The following ANKLE2 variants were observed in gnomAD, a reference collection of about 807,000 sequenced individuals.
ANKLE2 encodes ankyrin repeat and LEM domain-containing protein 2.
ANKLE2 carries 55 observed loss-of-function variants against 84.2 expected under a neutral mutation model. The observed-to-expected ratio is 0.65, with a 90% CI of 0.53 to 0.82. The LOEUF is 0.82. Ranked by LOEUF, ANKLE2 falls within the 40% of genes least tolerant of loss-of-function variation. The pLI is 0.00. For missense variants in ANKLE2, 1,238 were observed against 1,201.9 expected (o/e 1.03, Z -0.44); for synonymous variants, 551 against 486.1 (o/e 1.13, Z -1.76).
chr12:132,756,246 T>C (rs1372019901), intron 1 of ANKLE2: 1 of 151,730 alleles, frequency 6.6e-6, no homozygotes, highest in African/African-American at 2.4e-5. Context: ...GGTACATGCC[T>C]GTAACCCCAG....
intron 7 of ANKLE2, chr12:132,737,383 T>C: frequency 3.8e-6 from 1 of 260,070 alleles, no homozygotes; most frequent in African/African-American, 2.2e-5. Context: ...TGAATAAGAG[T>C]AGCACACAGT....
At chr12:132,736,771 A>G in intron 8 of ANKLE2, 122 bp downstream of exon 8, 2 of 1,188,474 alleles carry the variant, frequency 1.7e-6, no homozygotes. Flanking sequence ...AGATGAGGAC[A>G]ACCTTGGGGC....
intron 5 of ANKLE2, chr12:132,745,608 G>A (rs556912176): frequency 8.3e-5 from 13 of 155,928 alleles, no homozygotes; most frequent in South Asian, 3.6e-4. Flanking sequence ...GCTCGGAGAC[G>A]TAAGGAAATT....
At chr12:132,746,318 C>T (rs2044237191) in intron 5 of ANKLE2, among the ~76,000 whole-genome samples, 1 of 143,980 alleles carries the variant, frequency 6.9e-6, no homozygotes, top group Admixed American at 7.6e-5. Context: ...CACTGCACTC[C>T]CACCTGGGAG....
rs759983504 is a variant in ANKLE2 at position 132,736,986 on chromosome 12, C to T, written c.1500G>A (p.Thr500=). 1.2e-5 allele frequency: 20 copies of T among 1,613,722 alleles called. No homozygotes were observed. Among genetic ancestry groups the T allele is most frequent in the Admixed American group, 1.7e-5 (1 of 59,986 alleles). ...VIGELWSPDQ[T]AEASHVSRYG... ...AGCGGCTGACGTGAGAGGCCTCAGC[C>T]GTCTGGTCTGGGGACCACAGCTCCC... The change falls in exon 8 of 13, where the codon ACG becomes ACA. Residue 500 remains threonine (T), a synonymous_variant. Coordinates refer to ENST00000357997, the MANE Select transcript of ANKLE2 (RefSeq NM_015114.3).
chr12:132,728,163 T>C lies in ANKLE2; in HGVS notation c.2484A>G (p.Gly828=), dbSNP rs1321975982. Residue 828 remains glycine (G), a splice_region_variant and synonymous_variant, in exon 12 of 13, where the codon GGA becomes GGG. Transcript: ENST00000357997. The part of the protein sequence containing the change: ...REPARRLFLF[G]EEPSKLDQDV... ...CCTGATCGAGTTTTGATGGCTCCTC[T>C]CTAGAAAGCACAATAAAAGAAGCAA... 4 of 1,610,924 alleles carry C rather than the reference T, an allele frequency of 2.5e-6. No homozygotes were observed. The Admixed American group carries it at 6.8e-5, about 27-fold the overall frequency.
chr12:132,759,756 C>A (rs2044583301), intron 1 of ANKLE2: 1 of 152,152 alleles, frequency 6.6e-6, no homozygotes, highest in African/African-American at 2.4e-5. Context: ...GCTGCACTTA[C>A]CCAACTCCCA....
At chr12:132,759,028 C>T (rs1232812982) in intron 1 of ANKLE2, 6 of 137,660 alleles carry the variant, frequency 4.4e-5, no homozygotes, top group Non-Finnish European at 9.1e-5. Flanking sequence ...CAGAGTGGAT[C>T]GCTGCGGAGT....
At chr12:132,737,109 CGCAGGTCAGGCCTG>C (rs747294804) in intron 7 of ANKLE2, 44 bp from the exon 8 acceptor site, 55 of 1,545,456 alleles carry the variant, frequency 3.6e-5, no homozygotes, top group Non-Finnish European at 8.8e-6. Context: ...CCGCCCCCTC[CGCAGGTCAGGCCTG>C]GGTGAGCAGG....
rs959240484 is a variant in ANKLE2, at chr12:132,752,310, G to A, written c.641-1461C>T. On this transcript the variant is annotated intron_variant, in intron 2 of 12. Transcript: ENST00000357997. ...AGCCAAGATCGCACCACTGCACTCC[G>A]GCCTGGCGACAGACCGGGACTCTGT... Among the ~76,000 whole-genome samples the A allele has an allele frequency of 1.2e-4, 18 of 152,204 alleles. No homozygotes were observed. The East Asian group carries it at 1.5e-3, about 13-fold the overall frequency.
intron 3 of ANKLE2, 146 bp downstream of exon 3, chr12:132,750,497 G>A: frequency 1.3e-6 from 1 of 769,224 alleles, no homozygotes; most frequent in South Asian, 1.9e-5. Context: ...GAGCATCAGA[G>A]CCAGCATGGC....
At chr12:132,753,164 C>A (rs959905464) in intron 2 of ANKLE2, among the ~76,000 whole-genome samples, 2 of 151,992 alleles carry the variant, frequency 1.3e-5, no homozygotes, top group African/African-American at 4.8e-5. Flanking sequence ...TACAAAAAAA[C>A]TGGCGCGTAC....
Position 132,743,137 on chromosome 12 carries a change from T to C in ANKLE2, c.1353+17A>G, listed in dbSNP as rs774149311. ...TTTCTAACTCTAGATAGCAACTGCA[T>C]TGTAATAAGTACTTACATCTTCAGG... On this transcript the variant is annotated intron_variant, in intron 6 of 12. Transcript: ENST00000357997. This position sits in a 1 kb window ranked among gnomAD's most constrained non-coding sequence, Gnocchi z 4.1. The C allele has an allele frequency of 9.3e-5, 147 of 1,582,448 alleles. No homozygotes were observed. The highest frequency in any genetic ancestry group is 1.2e-4 in the Non-Finnish European group (135 of 1,162,410).
At chr12:132,733,273 G>C in intron 10 of ANKLE2, among the ~76,000 whole-genome samples, 1 of 139,524 alleles carries the variant, frequency 7.2e-6, no homozygotes, top group Admixed American at 7.2e-5. Flanking sequence ...TGTCTGATAT[G>C]CACCGTGTGA....
At chr12:132,733,135 A>G (rs1285141289) in intron 10 of ANKLE2, among the ~76,000 whole-genome samples, 12 of 52,770 alleles carry the variant, frequency 2.3e-4, no homozygotes, top group African/African-American at 2.4e-4. Context: ...CGTGTGAAGC[A>G]CTGCGCGTCC....
Position 132,761,786 on chromosome 12 carries a change from G to T in ANKLE2, c.13C>A (p.Arg5=). 8.8e-7 allele frequency: 1 copy of T among 1,140,154 alleles called. No homozygotes were observed. Among genetic ancestry groups the T allele is most frequent in the Non-Finnish European group, 1.1e-6 (1 of 931,378 alleles). 70.6% of individuals were successfully genotyped at this position (1,140,154 alleles called of 1,614,324 possible). A position where few individuals can be genotyped will look rare whatever the true frequency, so the allele number is the denominator to read the frequency against. MLWP[R]LAAAEWAALA... ...GCCGCCCACTCGGCCGCCGCCAGCC[G>T]CGGCCACAGCATCGCCGCCGCCCGG... Residue 5 remains arginine (R), a synonymous_variant, in exon 1 of 13, where the codon CGG becomes AGG. Transcript: ENST00000357997.
chr12:132,750,421 C>A (rs1244086201), intron 3 of ANKLE2, among the ~76,000 whole-genome samples: 1 of 151,904 alleles, frequency 6.6e-6, no homozygotes, highest in Non-Finnish European at 1.5e-5. Flanking sequence ...CCAACAGACA[C>A]GGGGACAGAT....
rs193167109 is a variant in ANKLE2 at position 132,733,090 on chromosome 12, G to T, written c.1891+1295C>A. On this transcript the variant is annotated intron_variant, in intron 10 of 12. Transcript: ENST00000357997. Reference sequence around the variant, plus strand: ...CATGCTGGTGTCTGATACGCACCGTGTGAAGCTCTCTGCGTCCTGGTGTCT... The same window carrying T: ...CATGCTGGTGTCTGATACGCACCGTTTGAAGCTCTCTGCGTCCTGGTGTCT... Among the ~76,000 whole-genome samples the T allele has an allele frequency of 4.9e-3, 712 of 145,496 alleles. 5 individuals carry two copies. Among genetic ancestry groups the T allele is most frequent in the African/African-American group, 0.017 (672 of 38,414 alleles).
Position 132,743,220 on chromosome 12 carries a change from G to C in ANKLE2, c.1287C>G (p.Asn429Lys). The change falls in exon 6 of 13, where the codon AAC (asparagine) becomes AAG (lysine). Residue 429 changes from asparagine (N) to lysine (K), a missense_variant. This residue lies in a region of ANKLE2 where 802 missense variants were observed against 774.5 expected (regional missense o/e 1.04). Transcript: ENST00000357997. This position sits in a 1 kb window ranked among gnomAD's most constrained non-coding sequence, Gnocchi z 4.1. Reference protein sequence around the residue: ...ACKFGNADVVNVLSSHHLIVK... With the variant: ...ACKFGNADVVKVLSSHHLIVK... ...CAATCAAATGGTGTGACGAAAGCACGTTGACTACATCTGCATTTCCAAACT... is the reference window on the plus strand; with the variant it reads ...CAATCAAATGGTGTGACGAAAGCACCTTGACTACATCTGCATTTCCAAACT... The C allele has an allele frequency of 6.2e-7, 1 of 1,611,962 alleles. No individual in the cohort carries two copies. The highest frequency in any genetic ancestry group is 8.5e-7 in the Non-Finnish European group (1 of 1,179,018).
Sources: allele counts gnomAD v4.1 joint callset (sites outside exome capture counted in the v4.1 genomes callset), GRCh38; gene constraint gnomAD v4.1.1; regional missense constraint gnomAD v4.1.1; non-coding constraint Gnocchi (gnomAD v3.1); transcripts MANE v1.5; gene names NCBI Gene and HGNC (gene_info 2026-07-23, HGNC 2026-07-21).